SEZ6: variants seen among roughly 807,000 people sequenced by gnomAD.
The protein encoded by SEZ6 is seizure protein 6 homolog.
In SEZ6, 53 loss-of-function variants were observed where a neutral mutation model predicts 101.0. That is an observed-to-expected ratio of 0.52 (90% confidence interval 0.42 to 0.66). The LOEUF (loss-of-function observed/expected upper bound fraction) is 0.66. Among genes scored for constraint, SEZ6 ranks in the 30% least tolerant of loss-of-function variants. SEZ6 has a pLI of 0.00. For missense variants in SEZ6, 1,102 were observed against 1,289.4 expected, an observed-to-expected ratio of 0.85 and a Z score of 2.23; for synonymous variants, 488 against 512.2, an observed-to-expected ratio of 0.95 and a Z score of 0.64.
chr17:28,960,482 C>T (rs767208448), intron 7 of SEZ6, 23 bp downstream of exon 7: 1 of 1,578,752 alleles, frequency 6.3e-7, no homozygotes, highest in South Asian at 1.2e-5. Flanking sequence ...CCGCCACCCC[C>T]AGTGAGGCCC....
At chr17:28,958,525 C>T (rs1194089331) in intron 10 of SEZ6, among the ~76,000 whole-genome samples, 1 of 152,142 alleles carries the variant, frequency 6.6e-6, no homozygotes, top group Non-Finnish European at 1.5e-5. Flanking sequence ...TGCAGTGGCT[C>T]ACACCTGTAA....
rs374820317 is a variant in SEZ6, at chr17:28,969,933, C to T, written c.878G>A (p.Arg293Gln). The change falls in exon 4 of 17, where the codon CGG becomes CAG. Residue 293 changes from arginine (R) to glutamine (Q), a missense_variant. Transcript: ENST00000317338. ...TTCCACAGTCACTGTCTCCCCTTCC[C>T]GGAGGCTGATATTCTGGACCTGTCA... ...VEIKVQNISLREGETVTVEGL... is the reference protein window; with the variant it reads ...VEIKVQNISLQEGETVTVEGL... 9.4e-5 allele frequency: 144 copies of T among 1,539,156 alleles called. No homozygotes were observed. In the Middle Eastern group the frequency reaches 1.7e-3, roughly 18 times the overall value.
chr17:28,992,745 C>G (rs1358348126), intron 1 of SEZ6, among the ~76,000 whole-genome samples: 2 of 152,220 alleles, frequency 1.3e-5, no homozygotes, highest in African/African-American at 2.4e-5. Flanking sequence ...TCCCCTCCCT[C>G]CCATGAGGCT....
At position 29,005,742 on chromosome 17, in the gene SEZ6, A is replaced by G; in HGVS notation, c.55+73T>C. The G allele has an allele frequency of 7.1e-7, 1 of 1,406,042 alleles. No homozygotes were observed. The highest frequency in any genetic ancestry group is 9.4e-7 in the Non-Finnish European group (1 of 1,061,834). 87.1% of individuals were successfully genotyped at this position (1,406,042 alleles called of 1,614,324 possible). ...GGCAGCCAGATGCCCGAAGCTGGGCACCGGGTCTCCCTTCCCACCCCTGGG... is the reference window on the plus strand; with the variant it reads ...GGCAGCCAGATGCCCGAAGCTGGGCGCCGGGTCTCCCTTCCCACCCCTGGG... On this transcript the variant is annotated intron_variant, in intron 1 of 16. Transcript: ENST00000317338. This position sits in a 1 kb window ranked among gnomAD's most constrained non-coding sequence, Gnocchi z 4.8.
rs1287959046 is a variant in SEZ6 at position 28,981,826 on chromosome 17, G to A, written c.269C>T (p.Pro90Leu). ...TGGGTCAGGCTGGAAGGGCAGTGCT[G>A]GCCTCAGCTCCTCATCTCCCTTTTC... ...GLEKGDEELR[P>L]ALPFQPDPPA... The change falls in exon 2 of 17, where the codon CCA (proline) becomes CTA (leucine). Residue 90 changes from proline to leucine, a missense_variant. By Grantham distance (98) the Pro-to-Leu change is moderately conservative (BLOSUM62 -3). Transcript: ENST00000317338. 2.5e-6 allele frequency: 4 copies of A among 1,613,790 alleles called. No individual in the cohort carries two copies. The African/African-American group carries it at 4.0e-5, about 16-fold the overall frequency.
In SEZ6 at chr17:28,985,252, A is replaced by G. The variant is rs535052752; in HGVS notation, c.56-3213T>C. Among the ~76,000 whole-genome samples, 370 of 152,250 alleles carry G rather than the reference A, an allele frequency of 2.4e-3. 3 individuals carry two copies. The highest frequency in any genetic ancestry group is 7.8e-3 in the African/African-American group (325 of 41,554). On this transcript the variant is annotated intron_variant, in intron 1 of 16. Coordinates refer to ENST00000317338, the MANE Select transcript of SEZ6 (RefSeq NM_178860.5). ...GAGGCACGGACTCGTCGAAGATCTC[A>G]CGCCATTTAGAAGTCTGGGGCCAGA...
At position 28,981,535 on chromosome 17, in the gene SEZ6, C is replaced by T; in HGVS notation, c.560G>A (p.Gly187Asp). ...PSRAWTPTQE[G>D]PGDMGRPWVA... ...CCACGGCCTTCCCATGTCTCCAGGACCCTCTTGGGTTGGTGTCCAGGCTCT... is the reference window on the plus strand; with the variant it reads ...CCACGGCCTTCCCATGTCTCCAGGATCCTCTTGGGTTGGTGTCCAGGCTCT... Residue 187 changes from glycine (G) to aspartate (D), a missense_variant, in exon 2 of 17, where the codon GGT (glycine) becomes GAT (aspartate). This residue lies in a region of SEZ6 where 406 missense variants were observed against 418.6 expected (regional missense o/e 0.97). Transcript: ENST00000317338. 1 of 1,612,370 alleles carries T rather than the reference C, an allele frequency of 6.2e-7. No homozygotes were observed. The highest frequency in any genetic ancestry group is 8.5e-7 in the Non-Finnish European group (1 of 1,179,210).
At chr17:28,996,862 A>C (rs2041549934) in intron 1 of SEZ6, among the ~76,000 whole-genome samples, 2 of 152,116 alleles carry the variant, frequency 1.3e-5, no homozygotes, top group African/African-American at 4.8e-5. Flanking sequence ...GACCCTGCAG[A>C]GCTGGGTGTG....
chr17:28,956,317 G>C, intron 15 of SEZ6, 33 bp downstream of exon 15: 22 of 1,578,656 alleles, frequency 1.4e-5, no homozygotes, highest in African/African-American at 9.4e-5. Context: ...GAGGTATGCA[G>C]GTATGCAGAG....
At chr17:28,997,332 C>G (rs2041556737) in intron 1 of SEZ6, among the ~76,000 whole-genome samples, 1 of 152,170 alleles carries the variant, frequency 6.6e-6, no homozygotes, top group Admixed American at 6.5e-5. Flanking sequence ...TCTAACCAGC[C>G]AGAAAATAGG....
chr17:28,998,044 G>A (rs764198983), intron 1 of SEZ6, among the ~76,000 whole-genome samples: 9 of 151,972 alleles, frequency 5.9e-5, no homozygotes, highest in African/African-American at 2.4e-5. Flanking sequence ...GCTGCCTGGG[G>A]GACAAAGGAG....
Position 29,005,649 on chromosome 17 carries a change from G to A in SEZ6, c.55+166C>T, listed in dbSNP as rs2041678291. ...GCCGCGGCAGCTTCCCGCCCGCGAA[G>A]CCCGCGCCCCGCCCGGCTTGGCCGG... On this transcript the variant is annotated intron_variant, in intron 1 of 16. Coordinates refer to ENST00000317338, the MANE Select transcript of SEZ6 (RefSeq NM_178860.5). This position sits in a 1 kb window ranked among gnomAD's most constrained non-coding sequence, Gnocchi z 4.8. Among the ~76,000 whole-genome samples, 2 of 151,340 alleles carry A rather than the reference G, an allele frequency of 1.3e-5. No homozygotes were observed. The highest frequency in any genetic ancestry group is 3.9e-4 in the East Asian group (2 of 5,114).
chr17:28,974,046 A>G (rs192567124), intron 3 of SEZ6, among the ~76,000 whole-genome samples: 6 of 152,246 alleles, frequency 3.9e-5, no homozygotes, highest in Non-Finnish European at 7.4e-5. Context: ...TCTTCTGCCA[A>G]CCTCTAGCTC....
chr17:28,979,636 T>C (rs1567993624), intron 3 of SEZ6, 44 bp downstream of exon 3: 1 of 1,613,066 alleles, frequency 6.2e-7, no homozygotes, highest in South Asian at 1.1e-5. Flanking sequence ...AGAAAGAGAA[T>C]ACACCCGCCC....
chr17:29,003,914 T>C (rs2041649957), intron 1 of SEZ6, among the ~76,000 whole-genome samples: 1 of 152,188 alleles, frequency 6.6e-6, no homozygotes, highest in Admixed American at 6.5e-5. Context: ...CACACAGACT[T>C]GAGGCCACAG....
rs1269995104 is a variant in SEZ6, at chr17:28,982,082, G to A, written c.56-43C>T. On this transcript the variant is annotated intron_variant, in intron 1 of 16. Transcript: ENST00000317338. ...GGTCAGAGGTTCTCCCCCTGCTCCAGAGAGCAGCATCACGCCCAACTCGAG... is the reference window on the plus strand; with the variant it reads ...GGTCAGAGGTTCTCCCCCTGCTCCAAAGAGCAGCATCACGCCCAACTCGAG... The A allele has an allele frequency of 7.2e-6, 11 of 1,528,658 alleles. 1 individual carries two copies. The highest frequency in any genetic ancestry group is 9.6e-6 in the Non-Finnish European group (11 of 1,141,104). 94.7% of individuals were successfully genotyped at this position (1,528,658 alleles called of 1,614,324 possible). A position where few individuals can be genotyped will look rare whatever the true frequency, so the allele number is the denominator to read the frequency against.
At chr17:28,961,231 T>C (rs1405562229) in intron 5 of SEZ6, among the ~76,000 whole-genome samples, 1 of 152,082 alleles carries the variant, frequency 6.6e-6, no homozygotes, top group African/African-American at 2.4e-5. Context: ...CTCTTGACTG[T>C]GGGTAGATGT....
intron 1 of SEZ6, among the ~76,000 whole-genome samples, chr17:28,999,101 G>C (rs1228940657): frequency 6.6e-6 from 1 of 152,158 alleles, no homozygotes; most frequent in Non-Finnish European, 1.5e-5. Context: ...AATGGAGAAT[G>C]GAAGGATGGA....
intron 1 of SEZ6, among the ~76,000 whole-genome samples, chr17:28,983,046 T>C (rs1334609306): frequency 6.6e-6 from 1 of 152,222 alleles, no homozygotes; most frequent in Non-Finnish European, 1.5e-5. Flanking sequence ...CTCATTTCTG[T>C]TTTTATGGTC....
Sources: gnomAD v4.1 joint callset for allele counts (sites outside exome capture counted in the v4.1 genomes callset) on GRCh38, gnomAD v4.1.1 for gene constraint, gnomAD v4.1.1 regional missense constraint, Gnocchi (gnomAD v3.1) non-coding constraint, MANE v1.5 for transcripts, NCBI Gene and HGNC (gene_info 2026-07-23, HGNC 2026-07-21) for gene names.